ESCO2: variants seen among roughly 807,000 people sequenced by gnomAD.
The protein encoded by ESCO2 is N-acetyltransferase ESCO2.
A neutral mutation model predicts 61.7 loss-of-function variants in ESCO2; 51 were observed. That is an observed-to-expected ratio of 0.83 (90% confidence interval 0.66 to 1.04). The LOEUF (loss-of-function observed/expected upper bound fraction) is 1.04. Among genes scored for constraint, ESCO2 ranks in the 50% least tolerant of loss-of-function variants. The pLI is 0.00. For synonymous variants in ESCO2, 230 were observed against 238.2 expected (o/e 0.97, Z 0.32); for missense variants, 692 against 686.2 (o/e 1.01, Z -0.09).
chr8:27,783,875 AC>A (rs1804978223), intron 4 of ESCO2, 124 bp from the exon 5 acceptor site: 1 of 901,166 alleles, frequency 1.1e-6, no homozygotes, highest in African/African-American at 1.7e-5. Context: ...CCATGGAATT[AC>A]CTTTGCCTCT....
At chr8:27,787,686 T>G (rs1401750637) in intron 5 of ESCO2, among the ~76,000 whole-genome samples, 199 bp from the exon 6 acceptor site, 3 of 152,214 alleles carry the variant, frequency 2.0e-5, no homozygotes, top group Non-Finnish European at 4.4e-5. Context: ...CATTTACTAG[T>G]TACTTTACCT....
chr8:27,802,739 C>CT (rs369763731), intron 10 of ESCO2, among the ~76,000 whole-genome samples: 21,534 of 129,900 alleles, frequency 0.17, 2,189 homozygotes, highest in East Asian at 0.41. Flanking sequence ...ACAATATGAT[C>CT]TTTTTTTTAT....
chr8:27,775,633 C>T (rs1804772827), intron 2 of ESCO2, 66 bp downstream of exon 2: 3 of 1,563,922 alleles, frequency 1.9e-6, no homozygotes, highest in Non-Finnish European at 2.6e-6. Flanking sequence ...TTGTTCTCTC[C>T]TATTTTCTAA....
chr8:27,815,839 C>T (rs1388167035), downstream of ESCO2, among the ~76,000 whole-genome samples: 1 of 152,170 alleles, frequency 6.6e-6, no homozygotes, highest in Non-Finnish European at 1.5e-5. Context: ...GATTGGGCCC[C>T]CTGCCACCTA....
intron 2 of ESCO2, 128 bp downstream of exon 2, chr8:27,775,695 T>TA: frequency 2.5e-6 from 2 of 806,094 alleles, no homozygotes; most frequent in Non-Finnish European, 4.4e-6. Context: ...GATAACCTGA[T>TA]AACCTATATT....
chr8:27,803,876 G>T lies in ESCO2; in HGVS notation c.*438G>T. On this transcript the variant is annotated 3_prime_UTR_variant, in exon 11 of 11. Coordinates refer to ENST00000305188, the MANE Select transcript of ESCO2 (RefSeq NM_001017420.3). ...ATTTAAACTTGGGCAAGTAATTTCT[G>T]TGCCCAATTTGTAAAGGGAATTCCT... 2.0e-6 allele frequency: 2 copies of T among 988,804 alleles called. No homozygotes were observed. Among genetic ancestry groups the T allele is most frequent in the Non-Finnish European group, 2.4e-6 (2 of 833,050 alleles). 61.3% of individuals were successfully genotyped at this position (988,804 alleles called of 1,614,324 possible).
At chr8:27,789,178 A>G (rs1246422067) in intron 7 of ESCO2, among the ~76,000 whole-genome samples, 200 bp downstream of exon 7, 1 of 152,196 alleles carries the variant, frequency 6.6e-6, no homozygotes, top group Non-Finnish European at 1.5e-5. Context: ...CAAAATTCAG[A>G]GACTGCAGAG....
chr8:27,798,297 T>A (rs959214587), intron 9 of ESCO2, among the ~76,000 whole-genome samples: 1 of 152,032 alleles, frequency 6.6e-6, no homozygotes, highest in Non-Finnish European at 1.5e-5. Context: ...CCGCCTCTAC[T>A]AAAAATACAA....
Position 27,804,261 on chromosome 8 carries a change from C to CTAT in ESCO2, c.*826_*828dup. 4 of 984,758 alleles carry CTAT rather than the reference C, an allele frequency of 4.1e-6. No individual in the cohort carries two copies. Among genetic ancestry groups the CTAT allele is most frequent in the Non-Finnish European group, 4.8e-6 (4 of 829,386 alleles). The allele number at this position is 984,758 out of a possible 1,614,324, so 61.0% of individuals were successfully genotyped here. A position where few individuals can be genotyped will look rare whatever the true frequency, so the allele number is the denominator to read the frequency against. On this transcript the variant is annotated 3_prime_UTR_variant, in exon 11 of 11. Transcript: ENST00000305188. ...ATTAAAATTATACTTAGTAATTGCA[C>CTAT]TATTACTTAGTTAATTTTTGTTGTA...
At chr8:27,801,490 A>G (rs960006398) in intron 10 of ESCO2, among the ~76,000 whole-genome samples, 16 of 152,194 alleles carry the variant, frequency 1.1e-4, no homozygotes, top group African/African-American at 3.6e-4. Flanking sequence ...GGTATCTTAA[A>G]GATTTTTGTT....
downstream of ESCO2, chr8:27,812,594 A>C (rs902198779): frequency 6.6e-6 from 1 of 151,102 alleles, no homozygotes; most frequent in Admixed American, 6.6e-5. Context: ...TAATATCCAG[A>C]ATCTACAAAG....
In ESCO2 at chr8:27,777,117, T is replaced by C. The variant is rs775568427; in HGVS notation, c.809T>C (p.Leu270Ser). ...VPKCLVLEEK[L>S]KIGLLSASSK... ...AAGTGCTTGGTCCTAGAAGAGAAAT[T>C]GAAAATTGGACTACTGAGTGCAAGC... is the stretch of plus-strand genomic sequence containing the variant. The change falls in exon 3 of 11, where the codon TTG (leucine) becomes TCG (serine). Residue 270 changes from leucine (L) to serine (S), a missense_variant. By Grantham distance (145) the Leu-to-Ser change is moderately radical. Transcript: ENST00000305188. 6.3e-7 allele frequency: 1 copy of C among 1,594,752 alleles called. No individual in the cohort carries two copies. The highest frequency in any genetic ancestry group is 1.2e-5 in the South Asian group (1 of 86,398).
At chr8:27,802,276 A>G (rs944099093) in intron 10 of ESCO2, among the ~76,000 whole-genome samples, 4 of 151,510 alleles carry the variant, frequency 2.6e-5, no homozygotes, top group African/African-American at 9.7e-5. Flanking sequence ...TTCCCTTCTT[A>G]AAGCTCTCAG....
At chr8:27,792,086 C>A (rs374156731) in intron 8 of ESCO2, 34 bp downstream of exon 8, 120 of 1,603,664 alleles carry the variant, frequency 7.5e-5, no homozygotes, top group Middle Eastern at 3.3e-4. Flanking sequence ...TCTTGCCTTT[C>A]CCCACCCCCA....
rs56062620 is a variant in ESCO2, at chr8:27,803,549, TAC to T, written c.*128_*129del. ...TAAAAAATACCGAGACTCACACTCATACACACACACACACACACGCACACACA... is the reference window on the plus strand; with the variant it reads ...TAAAAAATACCGAGACTCACACTCATACACACACACACACACGCACACACA... On this transcript the variant is annotated 3_prime_UTR_variant, in exon 11 of 11. Coordinates refer to ENST00000305188, the MANE Select transcript of ESCO2 (RefSeq NM_001017420.3). 2,014 of 1,316,304 alleles carry T rather than the reference TAC, an allele frequency of 1.5e-3. No homozygotes were observed. Among genetic ancestry groups the T allele is most frequent in the South Asian group, 3.9e-3 (249 of 64,184 alleles). The allele number at this position is 1,316,304 out of a possible 1,614,324, so 81.5% of individuals were successfully genotyped here. A position where few individuals can be genotyped will look rare whatever the true frequency, so the allele number is the denominator to read the frequency against.
intron 7 of ESCO2, among the ~76,000 whole-genome samples, chr8:27,790,012 A>C (rs1336920771): frequency 6.6e-6 from 1 of 152,214 alleles, no homozygotes; most frequent in Non-Finnish European, 1.5e-5. Flanking sequence ...TTTCTAAAAC[A>C]TAGGTTCTGA....
chr8:27,800,297 C>A (rs998824658), intron 10 of ESCO2, among the ~76,000 whole-genome samples: 1 of 152,126 alleles, frequency 6.6e-6, no homozygotes, highest in Non-Finnish European at 1.5e-5. Context: ...AAAAAGACAA[C>A]CTAATTTAAA....
At chr8:27,802,650 TATATA>T (rs1805470337) in intron 10 of ESCO2, among the ~76,000 whole-genome samples, 1 of 71,260 alleles carries the variant, frequency 1.4e-5, no homozygotes, top group Non-Finnish European at 2.6e-5. Flanking sequence ...TATATATATA[TATATA>T]TTATATATAT....
At chr8:27,793,512 A>G (rs1222309475) in intron 9 of ESCO2, among the ~76,000 whole-genome samples, 1 of 146,478 alleles carries the variant, frequency 6.8e-6, no homozygotes, top group Non-Finnish European at 1.5e-5. Flanking sequence ...TTTGAGACCA[A>G]GTCTCACTCT....
Sources: gnomAD v4.1 joint callset for allele counts (sites outside exome capture counted in the v4.1 genomes callset) on GRCh38, gnomAD v4.1.1 for gene constraint, MANE v1.5 for transcripts, NCBI Gene and HGNC (gene_info 2026-07-23, HGNC 2026-07-21) for gene names.